SH3PXD2A: variants seen among roughly 807,000 people sequenced by gnomAD.
SH3PXD2A encodes the protein SH3 and PX domain-containing protein 2A.
Under a neutral mutation model 115.2 loss-of-function variants are expected in SH3PXD2A, and 32 were observed. That is an observed-to-expected ratio of 0.28 (90% CI 0.21 to 0.37). The LOEUF is 0.37. Ranked by LOEUF, SH3PXD2A falls within the 10% of genes least tolerant of loss-of-function variation. The probability of loss-of-function intolerance (pLI) is 1.00; values close to 1 mark genes in which losing one functional copy is unlikely to be tolerated. For synonymous variants in SH3PXD2A, 610 were observed against 629.1 expected (o/e 0.97, Z 0.45); for missense variants, 1,328 against 1,498.7 (o/e 0.89, Z 1.88).
Position 103,613,018 on chromosome 10 carries a change from C to T in SH3PXD2A, c.1093G>A (p.Glu365Lys), listed in dbSNP as rs141288204. 22 of 1,614,116 alleles carry T rather than the reference C, an allele frequency of 1.4e-5. 1 individual carries two copies. The highest frequency in any genetic ancestry group is 5.0e-5 in the Admixed American group (3 of 60,014). ...ATGGGGGCCTCATGGCCCTCGCCTT[C>T]GGCTGGTGGAGTTTCCTTGTCCCCA... ...ASGDKETPPA[E>K]GEGHEAPIAK... Residue 365 changes from glutamate (E) to lysine (K), a missense_variant, in exon 12 of 15, where the codon GAA becomes AAA. This residue lies in a region of SH3PXD2A where 509 missense variants were observed against 628.3 expected (regional missense o/e 0.81). Transcript: ENST00000369774.
At chr10:103,613,862 G>C (rs1359320854) in intron 11 of SH3PXD2A, among the ~76,000 whole-genome samples, 1 of 152,214 alleles carries the variant, frequency 6.6e-6, no homozygotes, top group Non-Finnish European at 1.5e-5. Flanking sequence ...CAGCTGTGGT[G>C]CCACTGCAGG....
intron 1 of SH3PXD2A, among the ~76,000 whole-genome samples, chr10:103,841,139 G>A (rs1278529056): frequency 1.3e-5 from 2 of 152,298 alleles, no homozygotes; most frequent in South Asian, 2.1e-4. Context: ...TGAGGTCGGA[G>A]GGGAAGGGGC....
chr10:103,652,936 C>G (rs1471156233), intron 8 of SH3PXD2A, among the ~76,000 whole-genome samples: 5 of 152,202 alleles, frequency 3.3e-5, no homozygotes, highest in Admixed American at 3.3e-4. Context: ...GCACCCGTCT[C>G]TGCCCTTGCT....
chr10:103,725,580 A>G (rs1470676395), intron 4 of SH3PXD2A, among the ~76,000 whole-genome samples: 2 of 152,146 alleles, frequency 1.3e-5, no homozygotes, highest in Non-Finnish European at 2.9e-5. Context: ...TAATCCCAGC[A>G]CTTTGGGAGG....
At chr10:103,660,887 A>C in intron 8 of SH3PXD2A, 96 bp downstream of exon 8, 7 of 1,295,064 alleles carry the variant, frequency 5.4e-6, no homozygotes, top group Non-Finnish European at 6.7e-6. Flanking sequence ...AATAACGTAT[A>C]GCTGCAGCGG....
At chr10:103,681,740 T>TCA (rs59808169) in intron 6 of SH3PXD2A, among the ~76,000 whole-genome samples, 36,165 of 145,642 alleles carry the variant, frequency 0.25, 4,651 homozygotes, top group East Asian at 0.3. Context: ...TGAGACTCCA[T>TCA]CACACACACA....
intron 7 of SH3PXD2A, chr10:103,661,760 G>T: frequency 3.0e-6 from 3 of 985,298 alleles, no homozygotes; most frequent in South Asian, 4.7e-5. Flanking sequence ...AATCACTGGG[G>T]TTTACTCGCA....
In SH3PXD2A at chr10:103,602,666, T is replaced by C. The variant is rs781233284; in HGVS notation, c.2552A>G (p.Tyr851Cys). ...PATSYMTCSA[Y>C]QKVQDSEISF... ...GATCTCCGAGTCCTGGACCTTCTGGTAGGCGCTGCATGTCATGTACGAGGT... is the reference window on the plus strand; with the variant it reads ...GATCTCCGAGTCCTGGACCTTCTGGCAGGCGCTGCATGTCATGTACGAGGT... Residue 851 changes from tyrosine to cysteine, a missense_variant, in exon 15 of 15, where the codon TAC (tyrosine) becomes TGC (cysteine). By Grantham distance (194) the Tyr-to-Cys change is radical (BLOSUM62 -2). Coordinates refer to ENST00000369774, the MANE Select transcript of SH3PXD2A (RefSeq NM_001394015.1). 1.2e-6 allele frequency: 2 copies of C among 1,614,070 alleles called. No individual in the cohort carries two copies. The highest frequency in any genetic ancestry group is 1.7e-6 in the Non-Finnish European group (2 of 1,180,018).
At chr10:103,640,080 C>T (rs912575790) in intron 8 of SH3PXD2A, among the ~76,000 whole-genome samples, 9 of 152,090 alleles carry the variant, frequency 5.9e-5, no homozygotes, top group African/African-American at 1.9e-4. Context: ...TTTGGGAGGC[C>T]GAGGCGGGCG....
At chr10:103,804,383 G>A (rs556107178) in intron 1 of SH3PXD2A, among the ~76,000 whole-genome samples, 2 of 137,994 alleles carry the variant, frequency 1.4e-5, no homozygotes, top group South Asian at 2.3e-4. Flanking sequence ...GTGCAGTGGC[G>A]TGATCTCGGC....
At chr10:103,811,729 G>A (rs1320265015) in intron 1 of SH3PXD2A, among the ~76,000 whole-genome samples, 3 of 152,192 alleles carry the variant, frequency 2.0e-5, no homozygotes, top group Non-Finnish European at 4.4e-5. Flanking sequence ...TACTGAGGCC[G>A]CCCATGAGGC....
intron 4 of SH3PXD2A, among the ~76,000 whole-genome samples, chr10:103,734,396 CT>C (rs1399452163): frequency 2.0e-5 from 3 of 151,892 alleles, no homozygotes; most frequent in African/African-American, 7.3e-5. Context: ...TTTTTATTTG[CT>C]TTTAATAAAG....
intron 3 of SH3PXD2A, among the ~76,000 whole-genome samples, chr10:103,742,797 C>G (rs1327729729): frequency 6.6e-6 from 1 of 152,166 alleles, no homozygotes; most frequent in African/African-American, 2.4e-5. Flanking sequence ...AGGAGACAGG[C>G]AAGCTGTGGG....
At chr10:103,803,258 C>T (rs1488543947) in intron 1 of SH3PXD2A, among the ~76,000 whole-genome samples, 1 of 152,114 alleles carries the variant, frequency 6.6e-6, no homozygotes, top group Admixed American at 6.5e-5. Context: ...GGCCCTGATA[C>T]AGAACATAAG....
chr10:103,649,787 C>A (rs977016065), intron 8 of SH3PXD2A, among the ~76,000 whole-genome samples: 3 of 152,216 alleles, frequency 2.0e-5, no homozygotes, highest in Non-Finnish European at 4.4e-5. Context: ...AGAAAGACAT[C>A]ATGTCCAGAA....
Position 103,814,018 on chromosome 10 carries a change from AC to A in SH3PXD2A, c.73-12657del, listed in dbSNP as rs1184051629. Reference sequence around the variant, plus strand: ...ACTAGCTAAAAAAAAAAAAAAAACAACAAAAAAAAAACCACACCCTTTTAAT... The same window carrying A: ...ACTAGCTAAAAAAAAAAAAAAAACAAAAAAAAAAAACCACACCCTTTTAAT... On this transcript the variant is annotated intron_variant, in intron 1 of 14. Coordinates refer to ENST00000369774, the MANE Select transcript of SH3PXD2A (RefSeq NM_001394015.1). 4.5e-3 allele frequency among the ~76,000 whole-genome samples: 635 copies of A among 141,552 alleles called. 4 individuals are homozygous for A. Among genetic ancestry groups the A allele is most frequent in the African/African-American group, 0.016 (586 of 36,956 alleles). The allele number at this position is 141,552 out of a possible 152,430, so 92.9% of individuals were successfully genotyped here. A position where few individuals can be genotyped will look rare whatever the true frequency, so the allele number is the denominator to read the frequency against.
At chr10:103,683,771 C>T (rs1326561740) in intron 6 of SH3PXD2A, among the ~76,000 whole-genome samples, 1 of 152,204 alleles carries the variant, frequency 6.6e-6, no homozygotes, top group Non-Finnish European at 1.5e-5. Context: ...GCCCTACCCA[C>T]ACCCTTCAGC....
intron 8 of SH3PXD2A, among the ~76,000 whole-genome samples, chr10:103,648,836 G>A (rs1310141967): frequency 6.6e-6 from 1 of 152,158 alleles, no homozygotes; most frequent in Non-Finnish European, 1.5e-5. Context: ...GTGCCCCCTC[G>A]CGTGCGTGTG....
At position 103,622,397 on chromosome 10, in the gene SH3PXD2A, C is replaced by G. The variant is rs150098100; in HGVS notation, c.802+73G>C. 3.6e-4 allele frequency: 366 copies of G among 1,013,806 alleles called. 3 individuals carry two copies. In the African/African-American group the frequency reaches 5.1e-3, roughly 14 times the overall value. 62.8% of individuals were successfully genotyped at this position (1,013,806 alleles called of 1,614,324 possible). Reference sequence around the variant, plus strand: ...AGGCCACAGGGCAGAGAGCAGAGCCCGGAAAGAAAGAGCAGTGTTAGCGAG... The same window carrying G: ...AGGCCACAGGGCAGAGAGCAGAGCCGGGAAAGAAAGAGCAGTGTTAGCGAG... On this transcript the variant is annotated intron_variant, in intron 10 of 14. Transcript: ENST00000369774.
Sources: allele counts gnomAD v4.1 joint callset (sites outside exome capture counted in the v4.1 genomes callset), GRCh38; gene constraint gnomAD v4.1.1; regional missense constraint gnomAD v4.1.1; transcripts MANE v1.5; gene names NCBI Gene and HGNC (gene_info 2026-07-23, HGNC 2026-07-21).